CCDC88A: variants seen among roughly 807,000 people sequenced by gnomAD.
The protein encoded by CCDC88A is coiled-coil and HOOK domain protein 88A, also known as girdin.
A neutral mutation model predicts 234.3 loss-of-function variants in CCDC88A; 54 were observed. The ratio of observed to expected loss-of-function variants is 0.23; its 90% CI spans 0.19 to 0.29. The LOEUF (loss-of-function observed/expected upper bound fraction) is 0.29, where lower values mean the gene tolerates loss of function less well. Ranked by LOEUF, CCDC88A falls within the 10% of genes least tolerant of loss-of-function variation. The pLI, the probability that CCDC88A is intolerant of heterozygous loss-of-function variation, is 1.00. For synonymous variants in CCDC88A, 753 were observed against 737.8 expected (o/e 1.02, Z -0.33); for missense variants, 1,832 against 2,123.4 (o/e 0.86, Z 2.70).
intron 2 of CCDC88A, among the ~76,000 whole-genome samples, chr2:55,408,235 T>G (rs1354390295): frequency 2.0e-5 from 3 of 152,128 alleles, no homozygotes; most frequent in African/African-American, 4.8e-5. Flanking sequence ...TACTCTGACC[T>G]TGACCTCCTA....
chr2:55,326,850 C>T (rs1260371834), intron 17 of CCDC88A, among the ~76,000 whole-genome samples: 6 of 152,314 alleles, frequency 3.9e-5, no homozygotes, highest in Non-Finnish European at 4.4e-5. Flanking sequence ...GGATTACAGG[C>T]GTGAGCCACC....
At chr2:55,291,853 C>G in intron 31 of CCDC88A, 78 bp from the exon 32 acceptor site, 1 of 1,084,304 alleles carries the variant, frequency 9.2e-7, no homozygotes, top group African/African-American at 1.6e-5. Flanking sequence ...AATACACTCT[C>G]ACTGAGTAGG....
intron 8 of CCDC88A, among the ~76,000 whole-genome samples, chr2:55,352,561 TTA>T (rs1670027127): frequency 1.3e-5 from 2 of 152,156 alleles, no homozygotes; most frequent in African/African-American, 4.8e-5. Context: ...GACCTGCGAA[TTA>T]TATCTCAATA....
At chr2:55,358,140 A>C (rs3099084) in intron 7 of CCDC88A, among the ~76,000 whole-genome samples, 72,246 of 151,926 alleles carry the variant, frequency 0.48, 18,288 homozygotes, top group East Asian at 0.85. Flanking sequence ...TCACTCTTTG[A>C]AGAAAAAGAA....
intron 7 of CCDC88A, among the ~76,000 whole-genome samples, chr2:55,358,366 C>T (rs988553266): frequency 5.3e-5 from 8 of 152,114 alleles, no homozygotes; most frequent in Non-Finnish European, 1.0e-4. Context: ...CCTGGTCCAC[C>T]ATCAGTTTTC....
At chr2:55,410,193 A>G (rs892111824) in intron 2 of CCDC88A, among the ~76,000 whole-genome samples, 5 of 152,162 alleles carry the variant, frequency 3.3e-5, no homozygotes, top group Non-Finnish European at 5.9e-5. Context: ...CCCTTGGGCC[A>G]AGGAGTACTT....
intron 2 of CCDC88A, chr2:55,404,160 C>T (rs542947285): frequency 3.3e-5 from 5 of 152,310 alleles, no homozygotes; most frequent in East Asian, 1.9e-4. Flanking sequence ...ACAAGTATCA[C>T]TTTCTCTTTT....
At chr2:55,416,287 T>C (rs1171693157) in intron 2 of CCDC88A, among the ~76,000 whole-genome samples, 2 of 150,458 alleles carry the variant, frequency 1.3e-5, no homozygotes, top group Non-Finnish European at 3.0e-5. Flanking sequence ...AATTAATAAA[T>C]TTGGAGACAT....
chr2:55,325,143 G>T (rs1453833762), intron 17 of CCDC88A, among the ~76,000 whole-genome samples: 2 of 152,160 alleles, frequency 1.3e-5, no homozygotes, highest in Non-Finnish European at 2.9e-5. Flanking sequence ...TGAATCAAGA[G>T]ATCAATCTGG....
chr2:55,334,983 A>G lies in CCDC88A; in HGVS notation c.1838T>C (p.Ile613Thr). 6.3e-7 allele frequency: 1 copy of G among 1,591,272 alleles called. No individual in the cohort carries two copies. The highest frequency in any genetic ancestry group is 1.4e-5 in the African/African-American group (1 of 73,584). The change falls in exon 15 of 33, where the codon ATT becomes ACT. Residue 613 changes from isoleucine (I) to threonine (T), a missense_variant. Transcript: ENST00000436346. The surrounding 1 kb of genome is among the most constrained non-coding windows in gnomAD (Gnocchi z 6.1). The stretch of plus-strand genomic sequence containing the variant: ...TTTATAATGTTCCAATTCTTTTTTA[A>G]TTTGTCTTTTTTCAAATTCAATCTT... ...LSKIEFEKRQ[I>T]KKELEHYKEK...
rs1022497027 is a variant in CCDC88A, at chr2:55,381,193, C to T, written c.274-6310G>A. On this transcript the variant is annotated intron_variant, in intron 3 of 32. Coordinates refer to ENST00000436346, the MANE Select transcript of CCDC88A (RefSeq NM_001365480.1). Reference sequence around the variant, plus strand: ...ACCGTAGGTGTGTAGTAGACTATATCATCTACATTTGTGTAAGTACACTCT... The same window carrying T: ...ACCGTAGGTGTGTAGTAGACTATATTATCTACATTTGTGTAAGTACACTCT... 2.0e-5 allele frequency among the ~76,000 whole-genome samples: 3 copies of T among 152,136 alleles called. No individual in the cohort carries two copies. In the South Asian group the frequency reaches 6.2e-4, roughly 32 times the overall value.
intron 3 of CCDC88A, among the ~76,000 whole-genome samples, chr2:55,383,622 TA>T (rs113191820): frequency 0.56 from 76,342 of 137,228 alleles, 21,549 homozygotes; most frequent in Admixed American, 0.65. Context: ...GACTCCGTCT[TA>T]AAAAAAAAAA....
intron 2 of CCDC88A, among the ~76,000 whole-genome samples, chr2:55,408,491 C>A (rs1232006859): frequency 6.6e-6 from 1 of 152,112 alleles, no homozygotes; most frequent in Non-Finnish European, 1.5e-5. Context: ...TAAAGAAACT[C>A]ACCAGAGCCC....
intron 13 of CCDC88A, among the ~76,000 whole-genome samples, chr2:55,337,870 A>G (rs1668000099): frequency 6.6e-6 from 1 of 151,928 alleles, no homozygotes; most frequent in South Asian, 2.1e-4. Context: ...AATGATGATA[A>G]TAATAATAAT....
chr2:55,310,823 G>A (rs540434838), intron 23 of CCDC88A, among the ~76,000 whole-genome samples: 51 of 152,284 alleles, frequency 3.3e-4, no homozygotes, highest in African/African-American at 1.1e-3. Context: ...CATTTGAAAA[G>A]TTGTTAACAA....
chr2:55,317,492 A>G lies in CCDC88A; in HGVS notation c.3602+72T>C. 8.3e-7 allele frequency: 1 copy of G among 1,207,046 alleles called. No homozygotes were observed. The highest frequency in any genetic ancestry group is 1.1e-6 in the Non-Finnish European group (1 of 887,220). The allele number at this position is 1,207,046 out of a possible 1,614,324, so 74.8% of individuals were successfully genotyped here. On this transcript the variant is annotated intron_variant, in intron 20 of 32. Transcript: ENST00000436346. The surrounding 1 kb of genome is among the most constrained non-coding windows in gnomAD (Gnocchi z 4.2). Reference sequence around the variant, plus strand: ...TAAACTAACATTAGATGTGTTTAATATATAAAATTTATTATACTACTTGAA... The same window carrying G: ...TAAACTAACATTAGATGTGTTTAATGTATAAAATTTATTATACTACTTGAA...
At chr2:55,383,905 ATGTC>A (rs1675027311) in intron 3 of CCDC88A, among the ~76,000 whole-genome samples, 1 of 152,258 alleles carries the variant, frequency 6.6e-6, no homozygotes, top group South Asian at 2.1e-4. Context: ...TATATATAAA[ATGTC>A]TGACCTATTT....
chr2:55,397,458 G>A (rs758866510), intron 2 of CCDC88A: 12 of 151,962 alleles, frequency 7.9e-5, no homozygotes, highest in Non-Finnish European at 1.5e-4. Context: ...TATTTGTAGT[G>A]CAAGCTCATT....
chr2:55,401,198 G>A (rs1397796765), intron 2 of CCDC88A, among the ~76,000 whole-genome samples: 2 of 151,614 alleles, frequency 1.3e-5, no homozygotes, highest in Non-Finnish European at 2.9e-5. Context: ...GGGAGGCTGA[G>A]GCCAGAGAAT....
Sources: allele counts gnomAD v4.1 joint callset (sites outside exome capture counted in the v4.1 genomes callset), GRCh38; gene constraint gnomAD v4.1.1; non-coding constraint Gnocchi (gnomAD v3.1); transcripts MANE v1.5; gene names NCBI Gene and HGNC (gene_info 2026-07-23, HGNC 2026-07-21).